Variants in TRIM48 observed in about 807,000 individuals in gnomAD.
TRIM48 encodes tripartite motif containing 48.
Under a neutral mutation model 29.5 loss-of-function variants are expected in TRIM48, and 31 were observed. That is an observed-to-expected ratio of 1.05 (90% CI 0.79 to 1.42). The LOEUF is 1.42. Among genes scored for constraint, TRIM48 ranks in the 40% most tolerant of loss-of-function variants. TRIM48 has a pLI of 0.00. For synonymous variants in TRIM48, 128 were observed against 90.6 expected, an observed-to-expected ratio of 1.41 and a Z score of -2.34; for missense variants, 344 against 265.0, an observed-to-expected ratio of 1.30 and a Z score of -2.07.
At position 55,268,432 on chromosome 11, in the gene TRIM48, G is replaced by A. The variant is rs371509508; in HGVS notation, c.578+60G>A. 1.6e-4 allele frequency: 240 copies of A among 1,461,628 alleles called. 18 individuals are homozygous for A. The African/African-American group carries it at 3.0e-3, about 18-fold the overall frequency. The allele number at this position is 1,461,628 out of a possible 1,614,324, so 90.5% of individuals were successfully genotyped here. The stretch of plus-strand genomic sequence containing the variant: ...TCACTTTCCACGAATATCAAAGCAG[G>A]CTCTACCAAAGTCATGGCATAAACG... On this transcript the variant is annotated intron_variant, in intron 4 of 5. Coordinates refer to ENST00000417545, the MANE Select transcript of TRIM48 (RefSeq NM_024114.5).
At position 55,262,227 on chromosome 11, in the gene TRIM48, A is replaced by G. The variant is rs1040288893; in HGVS notation, c.-41A>G. Reference sequence around the variant, plus strand: ...GGTGACCTCTGAAACTCAGTACTGCAGCGAATGAGCTCCTGACCTTGAGGA... The same window carrying G: ...GGTGACCTCTGAAACTCAGTACTGCGGCGAATGAGCTCCTGACCTTGAGGA... On this transcript the variant is annotated 5_prime_UTR_variant, in exon 1 of 6. Coordinates refer to ENST00000417545, the MANE Select transcript of TRIM48 (RefSeq NM_024114.5). The G allele has an allele frequency of 2.6e-6, 4 of 1,523,216 alleles. No homozygotes were observed. In the Admixed American group the frequency reaches 5.9e-5, roughly 22 times the overall value. 94.4% of individuals were successfully genotyped at this position (1,523,216 alleles called of 1,614,324 possible).
Position 55,270,920 on chromosome 11 carries a change from T to A in TRIM48, c.*485T>A. On this transcript the variant is annotated 3_prime_UTR_variant, in exon 6 of 6. Coordinates refer to ENST00000417545, the MANE Select transcript of TRIM48 (RefSeq NM_024114.5). ...TCACTTCCTCTCAGACCTATCTTTT[T>A]CTGTATTCTCCTCTGACCAGAGACA... 6.4e-7 allele frequency: 1 copy of A among 1,557,172 alleles called. No homozygotes were observed. Among genetic ancestry groups the A allele is most frequent in the Non-Finnish European group, 8.7e-7 (1 of 1,145,548 alleles).
chr11:55,262,448 TGAATTATGA>T (rs1289151841), intron 1 of TRIM48, 137 bp downstream of exon 1: 2 of 714,132 alleles, frequency 2.8e-6, no homozygotes, highest in Non-Finnish European at 4.7e-6. Context: ...ATAGATTTTA[TGAATTATGA>T]GGATATTAAT....
At chr11:55,265,735 G>A (rs1454720022) in intron 3 of TRIM48, 40 bp downstream of exon 3, 1 of 1,549,022 alleles carries the variant, frequency 6.5e-7, no homozygotes, top group Admixed American at 1.8e-5. Flanking sequence ...GGAACTTATG[G>A]TGGGCAAATG....
intron 4 of TRIM48, 144 bp from the exon 5 acceptor site, chr11:55,269,098 T>C (rs746547212): frequency 7.7e-7 from 1 of 1,299,892 alleles, no homozygotes. Context: ...TAAATAGAAA[T>C]TAATTCCAAA....
rs559808563 is a variant in TRIM48 at position 55,269,286 on chromosome 11, C to A, written c.623C>A (p.Ala208Glu). ...CACATGCCCCAGCCTCTGAATCTAG[C>A]GCTCAGGGCAGGGCCCATCACTGGA... ...LLHMPQPLNL[A>E]LRAGPITGLR... Residue 208 changes from alanine (A) to glutamate (E), a missense_variant, in exon 5 of 6, where the codon GCG (alanine) becomes GAG (glutamate). Coordinates refer to ENST00000417545, the MANE Select transcript of TRIM48 (RefSeq NM_024114.5). The A allele has an allele frequency of 2.0e-4, 309 of 1,575,976 alleles. 32 individuals carry two copies. The highest frequency in any genetic ancestry group is 4.6e-4 in the Middle Eastern group (2 of 4,362).
rs1264010357 is a variant in TRIM48 at position 55,267,172 on chromosome 11, T to A, written c.556-1178T>A. ...GAGAAATTCAAATTGTGTTTTTTTT[T>A]ATTTCCAACTATCTTAGAACACTCC... On this transcript the variant is annotated intron_variant, in intron 3 of 5. Coordinates refer to ENST00000417545, the MANE Select transcript of TRIM48 (RefSeq NM_024114.5). Among the ~76,000 whole-genome samples, 20 of 148,122 alleles carry A rather than the reference T, an allele frequency of 1.4e-4. 1 individual carries two copies. The highest frequency in any genetic ancestry group is 2.4e-4 in the South Asian group (1 of 4,140).
At position 55,265,354 on chromosome 11, in the gene TRIM48, C is replaced by G. The variant is rs763581125; in HGVS notation, c.459+40C>G. The G allele has an allele frequency of 3.3e-4, 521 of 1,579,762 alleles. 40 individuals are homozygous for G. Among genetic ancestry groups the G allele is most frequent in the Non-Finnish European group, 5.2e-5 (61 of 1,165,178 alleles). The stretch of plus-strand genomic sequence containing the variant: ...TGAAGATCTATTTCTATAAAGGACA[C>G]ATGAAATTCCTGTGGCCCTATTTTC... On this transcript the variant is annotated intron_variant, in intron 2 of 5. Coordinates refer to ENST00000417545, the MANE Select transcript of TRIM48 (RefSeq NM_024114.5).
intron 2 of TRIM48, 41 bp from the exon 3 acceptor site, chr11:55,265,559 T>C: frequency 6.4e-7 from 1 of 1,567,020 alleles, no homozygotes; most frequent in Admixed American, 1.7e-5. Flanking sequence ...TATGTTACTT[T>C]ATTGTCTTCA....
intron 3 of TRIM48, chr11:55,267,290 G>A: frequency 1.6e-6 from 2 of 1,221,280 alleles, no homozygotes; most frequent in South Asian, 1.6e-5. Flanking sequence ...TGGATTCTAA[G>A]AACTGGCAAG....
At chr11:55,262,801 T>G (rs1177559795) in intron 1 of TRIM48, among the ~76,000 whole-genome samples, 1 of 93,796 alleles carries the variant, frequency 1.1e-5, no homozygotes, top group African/African-American at 4.0e-5. Context: ...AAAACACAAT[T>G]TTTTGACCAA....
Position 55,267,622 on chromosome 11 carries a change from A to T in TRIM48, c.556-728A>T, listed in dbSNP as rs1421289733. ...CTGATGAAAATGTGCCATAAACCAC[A>T]TGTGGAGCTACTTCAGGTACAAACT... On this transcript the variant is annotated intron_variant, in intron 3 of 5. Coordinates refer to ENST00000417545, the MANE Select transcript of TRIM48 (RefSeq NM_024114.5). 6.4e-6 allele frequency: 10 copies of T among 1,561,680 alleles called. 2 individuals are homozygous for T. Among genetic ancestry groups the T allele is most frequent in the Non-Finnish European group, 8.7e-6 (10 of 1,149,070 alleles).
chr11:55,269,565 T>C (rs920088376), intron 5 of TRIM48, among the ~76,000 whole-genome samples: 6 of 147,348 alleles, frequency 4.1e-5, no homozygotes, highest in Admixed American at 2.8e-4. Flanking sequence ...ATGTACTGAG[T>C]AATGTAATGG....
intron 1 of TRIM48, among the ~76,000 whole-genome samples, chr11:55,262,914 T>G (rs1284563767): frequency 6.6e-6 from 1 of 152,156 alleles, no homozygotes; most frequent in Non-Finnish European, 1.5e-5. Context: ...TTAGATGACC[T>G]CTGGAGAATA....
At chr11:55,267,358 G>A (rs1407089201) in intron 3 of TRIM48, 6 of 1,514,746 alleles carry the variant, frequency 4.0e-6, no homozygotes, top group Non-Finnish European at 5.4e-6. Flanking sequence ...AGATTTAATA[G>A]GAGATGGATA....
At position 55,265,713 on chromosome 11, in the gene TRIM48, C is replaced by A; in HGVS notation, c.555+18C>A. 2 of 1,571,830 alleles carry A rather than the reference C, an allele frequency of 1.3e-6. 1 individual carries two copies. The highest frequency in any genetic ancestry group is 2.4e-5 in the South Asian group (2 of 82,986). ...ACTGGAAGGTTAGTCCTGTAATACC[C>A]TACCTTCTCCAGGAACTTATGGTGG... On this transcript the variant is annotated intron_variant, in intron 3 of 5. Transcript: ENST00000417545.
At chr11:55,263,832 T>C (rs1196253001) in intron 1 of TRIM48, among the ~76,000 whole-genome samples, 1 of 152,226 alleles carries the variant, frequency 6.6e-6, no homozygotes, top group Non-Finnish European at 1.5e-5. Context: ...GTGAGGATAC[T>C]GGTATCTTGA....
intron 3 of TRIM48, 134 bp from the exon 4 acceptor site, chr11:55,268,216 T>C (rs1378136011): frequency 1.2e-6 from 1 of 834,370 alleles, no homozygotes; most frequent in Admixed American, 2.3e-5. Context: ...ACAGAAGAAA[T>C]AGAAAATGCT....
rs1300882632 is a variant in TRIM48 at position 55,267,517 on chromosome 11, A to G, written c.556-833A>G. ...TGGAGATGCTGAAAAAGAAGGGAAAAGATATTTTTCATCAACTTCATTTAA... is the reference window on the plus strand; with the variant it reads ...TGGAGATGCTGAAAAAGAAGGGAAAGGATATTTTTCATCAACTTCATTTAA... On this transcript the variant is annotated intron_variant, in intron 3 of 5. Coordinates refer to ENST00000417545, the MANE Select transcript of TRIM48 (RefSeq NM_024114.5). The G allele has an allele frequency of 3.8e-6, 6 of 1,579,154 alleles. No homozygotes were observed. The Admixed American group carries it at 6.8e-5, about 18-fold the overall frequency.
Sources: allele counts gnomAD v4.1 joint callset (sites outside exome capture counted in the v4.1 genomes callset), GRCh38; gene constraint gnomAD v4.1.1; transcripts MANE v1.5; gene names NCBI Gene and HGNC (gene_info 2026-07-23, HGNC 2026-07-21).